The following NIN variants were observed in gnomAD, a reference collection of about 807,000 sequenced individuals.
NIN encodes the protein glycogen synthase kinase 3 beta-interacting protein.
NIN carries 137 observed loss-of-function variants against 257.6 expected under a neutral mutation model. The observed-to-expected ratio is 0.53, with a 90% CI of 0.46 to 0.61. The LOEUF (loss-of-function observed/expected upper bound fraction) is 0.61, where lower values mean the gene tolerates loss of function less well. Among genes scored for constraint, NIN ranks in the 20% least tolerant of loss-of-function variants. The pLI is 0.00. For missense variants in NIN, 2,439 were observed against 2,501.2 expected, an observed-to-expected ratio of 0.98 and a Z score of 0.53; for synonymous variants, 918 against 919.8, an observed-to-expected ratio of 1.00 and a Z score of 0.04.
intron 22 of NIN, among the ~76,000 whole-genome samples, chr14:50,746,315 GTT>G (rs1227494620): frequency 2.0e-5 from 3 of 152,162 alleles, no homozygotes; most frequent in African/African-American, 7.2e-5. Context: ...GGCCCCATGA[GTT>G]TTAACTTCTG....
chr14:50,802,743 G>A (rs2044153207), intron 4 of NIN, among the ~76,000 whole-genome samples: 1 of 152,152 alleles, frequency 6.6e-6, no homozygotes, highest in Non-Finnish European at 1.5e-5. Context: ...TCACATACAA[G>A]GTGACCAAAG....
In NIN at chr14:50,830,479, C is replaced by T. The variant is rs2045654566; in HGVS notation, c.-37G>A. 6.0e-6 allele frequency: 1 copy of T among 167,272 alleles called. No individual in the cohort carries two copies. The highest frequency in any genetic ancestry group is 1.5e-5 in the Non-Finnish European group (1 of 68,376). 10.4% of individuals were successfully genotyped at this position (167,272 alleles called of 1,614,324 possible). On this transcript the variant is annotated 5_prime_UTR_variant, in exon 2 of 31. Coordinates refer to ENST00000530997, the MANE Select transcript of NIN (RefSeq NM_020921.4). ...CCTCGCCTACCTTCTGTCGGTCTCT[C>T]CGGAGCGCCCGCACAGCCGGCAGCC...
chr14:50,793,502 G>C (rs1434225831), intron 4 of NIN, among the ~76,000 whole-genome samples: 2 of 152,104 alleles, frequency 1.3e-5, no homozygotes, highest in Non-Finnish European at 2.9e-5. Flanking sequence ...ATTAAAAACA[G>C]TAAAATAAAA....
In NIN at chr14:50,792,874, T is replaced by C; in HGVS notation, c.273A>G (p.Ser91=). Residue 91 remains serine, a synonymous_variant, in exon 5 of 31, where the codon TCA becomes TCG. Coordinates refer to ENST00000530997, the MANE Select transcript of NIN (RefSeq NM_020921.4). ...NEEHFQEPDC[S]LEAQPKYVRG... ...TAACATATTTGGGCTGAGCTTCTAGTGAGCAGTCTGAGAGAGGAGACAAGA... is the reference window on the plus strand; with the variant it reads ...TAACATATTTGGGCTGAGCTTCTAGCGAGCAGTCTGAGAGAGGAGACAAGA... 6.2e-7 allele frequency: 1 copy of C among 1,614,188 alleles called. No homozygotes were observed. The highest frequency in any genetic ancestry group is 8.5e-7 in the Non-Finnish European group (1 of 1,180,036).
intron 7 of NIN, 143 bp from the exon 8 acceptor site, chr14:50,773,238 G>C: frequency 1.8e-6 from 1 of 553,530 alleles, no homozygotes; most frequent in South Asian, 3.1e-5. Flanking sequence ...TCACTTTACT[G>C]GTTTCCCTTT....
chr14:50,740,657 T>C (rs902161407), intron 25 of NIN, among the ~76,000 whole-genome samples: 2 of 152,162 alleles, frequency 1.3e-5, no homozygotes, highest in Admixed American at 1.3e-4. Context: ...CATTTTTGTA[T>C]TTGTAGTAGA....
Position 50,760,156 on chromosome 14 carries a change from C to T in NIN, c.2100G>A (p.Glu700=), listed in dbSNP as rs1036834521. ...CAAGCTTCACTTGCAGTTGTTTTTT[C>T]TCCTCCTCATGCCTGCAAGTGGCCT... is the stretch of plus-strand genomic sequence containing the variant. ...HHEATCRHEE[E]KKQLQVKLEE... is the part of the protein sequence containing the mutation. The change falls in exon 17 of 31, where the codon GAG becomes GAA. Residue 700 remains glutamate, a synonymous_variant. Coordinates refer to ENST00000530997, the MANE Select transcript of NIN (RefSeq NM_020921.4). 10 of 1,614,038 alleles carry T rather than the reference C, an allele frequency of 6.2e-6. No homozygotes were observed. Among genetic ancestry groups the T allele is most frequent in the Non-Finnish European group, 7.6e-6 (9 of 1,180,038 alleles).
chr14:50,783,535 A>G (rs1229649564), intron 5 of NIN, among the ~76,000 whole-genome samples: 1 of 151,980 alleles, frequency 6.6e-6, no homozygotes, highest in Non-Finnish European at 1.5e-5. Context: ...CTTACCACAC[A>G]GATAGGAGGT....
chr14:50,765,843 G>GTTTTTTT (rs34321797), intron 14 of NIN, among the ~76,000 whole-genome samples: 1 of 146,966 alleles, frequency 6.8e-6, no homozygotes, highest in Non-Finnish European at 1.5e-5. Flanking sequence ...TAACATTTAT[G>GTTTTTTT]TTTTTTTTTT....
At chr14:50,797,381 C>G (rs1375814717) in intron 4 of NIN, among the ~76,000 whole-genome samples, 1 of 152,140 alleles carries the variant, frequency 6.6e-6, no homozygotes, top group Non-Finnish European at 1.5e-5. Flanking sequence ...ATTTAGTGAG[C>G]CTGGGAAATC....
Position 50,729,660 on chromosome 14 carries a change from G to T in NIN, c.5941C>A (p.Leu1981Ile). The T allele has an allele frequency of 1.2e-6, 2 of 1,613,826 alleles. No homozygotes were observed. Among genetic ancestry groups the T allele is most frequent in the African/African-American group, 1.3e-5 (1 of 75,054 alleles). Residue 1981 changes from leucine to isoleucine, a missense_variant, in exon 29 of 31, where the codon CTC becomes ATC. Leu to Ile is a conservative substitution (Grantham distance 5). This residue lies in a region of NIN where 2,043 missense variants were observed against 2,050.2 expected (regional missense o/e 1.00). Coordinates refer to ENST00000530997, the MANE Select transcript of NIN (RefSeq NM_020921.4). ...PSPHAWDLQL[L>I]QQQACPMVPR... ...ACCATCGGACAGGCTTGCTGCTGGA[G>T]CAGCTGCAAATCCCAAGCATGAGGG... is the stretch of plus-strand genomic sequence containing the variant.
At chr14:50,767,887 T>G (rs1404115770) in intron 12 of NIN, among the ~76,000 whole-genome samples, 1 of 152,042 alleles carries the variant, frequency 6.6e-6, no homozygotes, top group Non-Finnish European at 1.5e-5. Flanking sequence ...TATATTTAAT[T>G]TATAAATTTC....
chr14:50,780,495 C>T lies in NIN; in HGVS notation c.436-1691G>A, dbSNP rs372266540. ...AATTTTTAGATGAAATGTTGTTTTTCAGTAGTTCATTCAAGTTAATACGAG... is the reference window on the plus strand; with the variant it reads ...AATTTTTAGATGAAATGTTGTTTTTTAGTAGTTCATTCAAGTTAATACGAG... On this transcript the variant is annotated intron_variant, in intron 5 of 30. Transcript: ENST00000530997. 1.1e-4 allele frequency among the ~76,000 whole-genome samples: 16 copies of T among 152,292 alleles called. No homozygotes were observed. The East Asian group carries it at 3.1e-3, about 29-fold the overall frequency.
intron 5 of NIN, among the ~76,000 whole-genome samples, chr14:50,782,360 A>G (rs77808538): frequency 0.036 from 5,443 of 152,302 alleles, 105 homozygotes; most frequent in Non-Finnish European, 0.05. Context: ...TGCAACAAGA[A>G]AGTATTGAAA....
At chr14:50,801,932 A>G (rs937288619) in intron 4 of NIN, among the ~76,000 whole-genome samples, 1 of 152,228 alleles carries the variant, frequency 6.6e-6, no homozygotes. Context: ...GCATTATGCT[A>G]ACATCTACTA....
At chr14:50,753,345 A>T (rs976167923) in intron 20 of NIN, among the ~76,000 whole-genome samples, 4 of 152,228 alleles carry the variant, frequency 2.6e-5, no homozygotes, top group African/African-American at 9.6e-5. Context: ...AGTTGCAGTG[A>T]GCTGAGATTG....
In NIN at chr14:50,764,587, G is replaced by A. The variant is rs184926469; in HGVS notation, c.1636-623C>T. ...AAAATCCCCCAAATGTCCCTTAACCGGTGAATTAATAAACAAAATGTGGTA... is the reference window on the plus strand; with the variant it reads ...AAAATCCCCCAAATGTCCCTTAACCAGTGAATTAATAAACAAAATGTGGTA... On this transcript the variant is annotated intron_variant, in intron 14 of 30. Transcript: ENST00000530997. 6.0e-4 allele frequency among the ~76,000 whole-genome samples: 91 copies of A among 152,178 alleles called. 1 individual carries two copies. The highest frequency in any genetic ancestry group is 1.7e-3 in the African/African-American group (71 of 41,502).
intron 17 of NIN, 33 bp downstream of exon 17, chr14:50,759,824 C>A: frequency 1.3e-6 from 2 of 1,572,188 alleles, no homozygotes; most frequent in Non-Finnish European, 1.7e-6. Flanking sequence ...GGGATGGTGC[C>A]CCAGGTAGCT....
At chr14:50,793,161 T>C (rs2043675752) in intron 4 of NIN, among the ~76,000 whole-genome samples, 1 of 152,116 alleles carries the variant, frequency 6.6e-6, no homozygotes, top group African/African-American at 2.4e-5. Context: ...AGGATTAAGG[T>C]CAGGAAAAGG....
Sources: gnomAD v4.1 joint callset for allele counts (sites outside exome capture counted in the v4.1 genomes callset) on GRCh38, gnomAD v4.1.1 for gene constraint, gnomAD v4.1.1 regional missense constraint, MANE v1.5 for transcripts, NCBI Gene and HGNC (gene_info 2026-07-23, HGNC 2026-07-21) for gene names.